UQCRC2: variants seen among roughly 807,000 people sequenced by gnomAD.
UQCRC2 encodes cytochrome b-c1 complex subunit 2, mitochondrial.
In UQCRC2, 49 loss-of-function variants were observed where a neutral mutation model predicts 55.6. The ratio of observed to expected loss-of-function variants is 0.88; its 90% CI spans 0.70 to 1.12. The LOEUF (loss-of-function observed/expected upper bound fraction) is 1.12, where lower values mean the gene tolerates loss of function less well. Ranked by LOEUF, UQCRC2 falls within the 50% of genes most tolerant of loss-of-function variation. The pLI, the probability that UQCRC2 is intolerant of heterozygous loss-of-function variation, is 0.00. For synonymous variants in UQCRC2, 193 were observed against 192.0 expected (o/e 1.01, Z -0.04); for missense variants, 506 against 547.8 (o/e 0.92, Z 0.76).
chr16:21,970,802 T>G (rs1325235920), intron 8 of UQCRC2, among the ~76,000 whole-genome samples: 1 of 152,138 alleles, frequency 6.6e-6, no homozygotes, highest in Non-Finnish European at 1.5e-5. Context: ...GCTGGACTGG[T>G]CTCGAACTCC....
chr16:21,980,421 G>T, intron 12 of UQCRC2, 126 bp from the exon 13 acceptor site: 1 of 962,748 alleles, frequency 1.0e-6, no homozygotes, highest in Non-Finnish European at 1.5e-6. Flanking sequence ...AATTCAGGAA[G>T]AGGGAGACAC....
intron 12 of UQCRC2, among the ~76,000 whole-genome samples, chr16:21,977,355 T>TA (rs577179217): frequency 3.4e-4 from 49 of 145,686 alleles, no homozygotes; most frequent in Admixed American, 7.5e-4. Flanking sequence ...CCCTGTCTCT[T>TA]AAAAAAAAAA....
At chr16:21,981,504 AGCACTTT>A (rs1209154164) in intron 13 of UQCRC2, among the ~76,000 whole-genome samples, 1 of 152,176 alleles carries the variant, frequency 6.6e-6, no homozygotes, top group Non-Finnish European at 1.5e-5. Flanking sequence ...CTGTAATCCC[AGCACTTT>A]GGAAGGCTGA....
At chr16:21,965,336 C>G (rs1898300048) in intron 6 of UQCRC2, 72 bp from the exon 7 acceptor site, 1 of 1,443,802 alleles carries the variant, frequency 6.9e-7, no homozygotes, top group Admixed American at 1.7e-5. Context: ...AGGCTTGTTG[C>G]TTTCTAGGTT....
chr16:21,968,503 T>C, intron 7 of UQCRC2, 125 bp from the exon 8 acceptor site: 1 of 705,990 alleles, frequency 1.4e-6, no homozygotes. Flanking sequence ...TAGTACCTTG[T>C]AGTTCATTAC....
rs773059548 is a variant in UQCRC2, at chr16:21,957,467, T to C, written c.168T>C (p.Ser56=). The C allele has an allele frequency of 1.2e-6, 2 of 1,614,190 alleles. No individual in the cohort carries two copies. The highest frequency in any genetic ancestry group is 1.1e-5 in the South Asian group (1 of 91,076). ...GLVIASLENY[S]PVSRIGLFIK... Reference sequence around the variant, plus strand: ...TGATTGCTTCTTTGGAAAACTATTCTCCTGTATCAAGAATTGGTTTGTTCA... The same window carrying C: ...TGATTGCTTCTTTGGAAAACTATTCCCCTGTATCAAGAATTGGTTTGTTCA... Residue 56 remains serine (S), a synonymous_variant, in exon 3 of 14, where the codon TCT becomes TCC. Transcript: ENST00000268379.
Position 21,972,461 on chromosome 16 carries a change from C to T in UQCRC2, c.966+339C>T, listed in dbSNP as rs115304511. Among the ~76,000 whole-genome samples, 1,406 of 152,192 alleles carry T rather than the reference C, an allele frequency of 9.2e-3. 24 individuals are homozygous for T. Among genetic ancestry groups the T allele is most frequent in the African/African-American group, 0.032 (1,328 of 41,522 alleles). ...CTTTTTTTCTAGATTTTCTTCTGTC[C>T]GCTTCTGTTCTTTTGGTTACTTCCT... On this transcript the variant is annotated intron_variant, in intron 10 of 13. Coordinates refer to ENST00000268379, the MANE Select transcript of UQCRC2 (RefSeq NM_003366.4).
chr16:21,974,254 C>A (rs1898530512), intron 11 of UQCRC2, among the ~76,000 whole-genome samples: 3 of 152,042 alleles, frequency 2.0e-5, no homozygotes, highest in African/African-American at 7.2e-5. Context: ...ATTGAGAACC[C>A]AGGAGAGGGG....
rs1212967284 is a variant in UQCRC2 at position 21,981,863 on chromosome 16, C to T, written c.1278+1163C>T. 3.4e-5 allele frequency among the ~76,000 whole-genome samples: 5 copies of T among 148,290 alleles called. No individual in the cohort carries two copies. In the East Asian group the frequency reaches 1.0e-3, roughly 30 times the overall value. On this transcript the variant is annotated intron_variant, in intron 13 of 13. Coordinates refer to ENST00000268379, the MANE Select transcript of UQCRC2 (RefSeq NM_003366.4). ...ACTCTTCTTTTTTTTTTTTTTGAGACGGAGTCTTGCTCTGTTGCCCAGGCT... is the reference window on the plus strand; with the variant it reads ...ACTCTTCTTTTTTTTTTTTTTGAGATGGAGTCTTGCTCTGTTGCCCAGGCT...
intron 1 of UQCRC2, among the ~76,000 whole-genome samples, chr16:21,954,302 C>G (rs190061241): frequency 4.8e-4 from 73 of 152,224 alleles, no homozygotes; most frequent in African/African-American, 1.6e-3. Flanking sequence ...ATTATCTAGC[C>G]CCAAGTGCCA....
At position 21,983,144 on chromosome 16, in the gene UQCRC2, A is replaced by G; in HGVS notation, c.1335A>G (p.Gly445=). The change falls in exon 14 of 14, where the codon GGA becomes GGG. Residue 445 remains glycine, a synonymous_variant. Transcript: ENST00000268379. ...QKSMAASGNL[G]HTPFVDEL ...CAATGGCAGCAAGTGGAAATTTGGG[A>G]CATACACCTTTTGTTGATGAGTTGT... The G allele has an allele frequency of 6.2e-7, 1 of 1,614,088 alleles. No individual in the cohort carries two copies. Among genetic ancestry groups the G allele is most frequent in the Middle Eastern group, 1.6e-4 (1 of 6,062 alleles).
chr16:21,960,824 CT>C (rs991201961), intron 4 of UQCRC2, among the ~76,000 whole-genome samples: 1 of 151,330 alleles, frequency 6.6e-6, no homozygotes, highest in East Asian at 1.9e-4. Context: ...AACAGCATTT[CT>C]TTTTTTTTAA....
chr16:21,962,659 C>G (rs1597954347), intron 5 of UQCRC2, 102 bp from the exon 6 acceptor site: 2 of 1,593,246 alleles, frequency 1.3e-6, no homozygotes, highest in South Asian at 2.2e-5. Flanking sequence ...CTGCTTACCA[C>G]AAGACCTAAA....
intron 7 of UQCRC2, among the ~76,000 whole-genome samples, chr16:21,967,774 A>G (rs978597131): frequency 7.2e-5 from 11 of 152,156 alleles, no homozygotes; most frequent in Admixed American, 1.3e-4. Flanking sequence ...GGTATAGACA[A>G]TGACTTCATG....
chr16:21,971,463 T>C (rs1898458065), intron 8 of UQCRC2, 62 bp from the exon 9 acceptor site: 1 of 1,357,748 alleles, frequency 7.4e-7, no homozygotes, highest in Non-Finnish European at 1.0e-6. Context: ...AAGGAAAAAA[T>C]ATTTTACGAT....
chr16:21,980,751 G>T (rs776675108), intron 13 of UQCRC2, 51 bp downstream of exon 13: 2 of 1,599,776 alleles, frequency 1.3e-6, no homozygotes, highest in Admixed American at 1.7e-5. Flanking sequence ...TAACCTTAAT[G>T]ATCCAATTTC....
chr16:21,965,284 T>A, intron 6 of UQCRC2, 124 bp from the exon 7 acceptor site: 1 of 744,252 alleles, frequency 1.3e-6, no homozygotes, highest in Non-Finnish European at 2.2e-6. Flanking sequence ...AAATTTTAAG[T>A]CCTCTTAACA....
At chr16:21,981,125 C>T (rs567514407) in intron 13 of UQCRC2, among the ~76,000 whole-genome samples, 1 of 152,120 alleles carries the variant, frequency 6.6e-6, no homozygotes, top group South Asian at 2.1e-4. Context: ...TGCTATTTTT[C>T]CTCTTCAGTC....
Position 21,980,497 on chromosome 16 carries a change from A to C in UQCRC2, c.1125-50A>C, listed in dbSNP as rs573828421. On this transcript the variant is annotated intron_variant, in intron 12 of 13. Transcript: ENST00000268379. Reference sequence around the variant, plus strand: ...GCCCCCCGCCACCACTCAGAAAAAAAAAATAATTGCCTTGCTCTCTAAAAC... The same window carrying C: ...GCCCCCCGCCACCACTCAGAAAAAACAAATAATTGCCTTGCTCTCTAAAAC... 62 of 1,586,350 alleles carry C rather than the reference A, an allele frequency of 3.9e-5. 3 individuals are homozygous for C. The South Asian group carries it at 7.1e-4, about 18-fold the overall frequency.
Sources: allele counts gnomAD v4.1 joint callset (sites outside exome capture counted in the v4.1 genomes callset), GRCh38; gene constraint gnomAD v4.1.1; transcripts MANE v1.5; gene names NCBI Gene and HGNC (gene_info 2026-07-23, HGNC 2026-07-21).